The following GABRA3 variants were observed in gnomAD, a reference collection of about 807,000 sequenced individuals.
The protein encoded by GABRA3 is gamma-aminobutyric acid type A receptor subunit alpha3, also known as gamma-aminobutyric acid receptor subunit alpha-3.
Under a neutral mutation model 30.1 loss-of-function variants are expected in GABRA3, and 10 were observed. That is an observed-to-expected ratio of 0.33 (90% CI 0.20 to 0.56). The LOEUF is 0.56. Ranked by LOEUF, GABRA3 falls within the 20% of genes least tolerant of loss-of-function variation. The pLI, the probability that GABRA3 is intolerant of heterozygous loss-of-function variation, is 0.89. For synonymous variants in GABRA3, 151 were observed against 146.8 expected (o/e 1.03, Z -0.21); for missense variants, 233 against 392.0 (o/e 0.59, Z 3.42).
At chrX:152,242,177 G>A (rs1482964068) in intron 5 of GABRA3, among the ~76,000 whole-genome samples, 1 of 111,505 alleles carries the variant, frequency 9.0e-6, no homozygotes, top group East Asian at 2.8e-4. Flanking sequence ...ACACTATGGG[G>A]GAAAGAACAG....
At chrX:152,230,022 C>T (rs1938037668) in intron 5 of GABRA3, among the ~76,000 whole-genome samples, 1 of 111,205 alleles carries the variant, frequency 9.0e-6, no homozygotes, top group African/African-American at 3.3e-5. Flanking sequence ...CCCCTAAGAT[C>T]AAGCAAGGAT....
chrX:152,375,128 C>T (rs1240190186), intron 1 of GABRA3, among the ~76,000 whole-genome samples: 2 of 111,701 alleles, frequency 1.8e-5, no homozygotes, highest in African/African-American at 3.3e-5. Flanking sequence ...TCAGAAAAAA[C>T]TACTTTAAAA....
intron 1 of GABRA3, among the ~76,000 whole-genome samples, chrX:152,384,269 G>A (rs1395481120): frequency 9.0e-6 from 1 of 111,475 alleles, no homozygotes; most frequent in Non-Finnish European, 1.9e-5. Flanking sequence ...TAAATTGAAA[G>A]AATTAATGTT....
At chrX:152,275,468 T>TATATATTTACATATTTATTTTATATATA (rs1406086247) in intron 4 of GABRA3, among the ~76,000 whole-genome samples, 1 of 106,475 alleles carries the variant, frequency 9.4e-6, no homozygotes, top group African/African-American at 3.4e-5. Flanking sequence ...AAATATCAAA[T>TATATATTTACATATTTATTTTATATATA]AAATAGAGCT....
rs1255029318 is a variant in GABRA3 at position 152,447,357 on chromosome X, A to T, written c.-27+3789T>A. ...GCAATCCCTTCAAAATAAAATTGAGATACCAAGTAACCCTCTGAAGTAGTC... is the reference window on the plus strand; with the variant it reads ...GCAATCCCTTCAAAATAAAATTGAGTTACCAAGTAACCCTCTGAAGTAGTC... On this transcript the variant is annotated intron_variant, in intron 1 of 9. Coordinates refer to ENST00000370314, the MANE Select transcript of GABRA3 (RefSeq NM_000808.4). Among the ~76,000 whole-genome samples the T allele has an allele frequency of 3.6e-5, 4 of 111,636 alleles. No individual in the cohort carries two copies. The East Asian group carries it at 1.1e-3, about 31-fold the overall frequency.
At chrX:152,261,151 C>G (rs1165866896) in intron 4 of GABRA3, among the ~76,000 whole-genome samples, 1 of 110,768 alleles carries the variant, frequency 9.0e-6, no homozygotes, top group Non-Finnish European at 1.9e-5. Context: ...TAAGGGTAAT[C>G]ACCCCCATAA....
chrX:152,440,200 G>A (rs1305194833), intron 1 of GABRA3, among the ~76,000 whole-genome samples: 1 of 112,302 alleles, frequency 8.9e-6, no homozygotes, highest in Non-Finnish European at 1.9e-5. Context: ...CCATCAAAAA[G>A]TGGGCAAAGG....
At chrX:152,315,009 T>C (rs777018869) in intron 3 of GABRA3, among the ~76,000 whole-genome samples, 2 of 111,022 alleles carry the variant, frequency 1.8e-5, no homozygotes, top group Non-Finnish European at 3.8e-5. Flanking sequence ...CAGGACCAAA[T>C]TGCAGTTCCC....
chrX:152,358,805 T>A (rs927257697), intron 2 of GABRA3, among the ~76,000 whole-genome samples: 8 of 111,879 alleles, frequency 7.2e-5, no homozygotes, highest in Non-Finnish European at 1.5e-4. Context: ...CTTTTATGCA[T>A]CTACTGAGAC....
chrX:152,303,977 T>C (rs978356869), intron 3 of GABRA3, among the ~76,000 whole-genome samples: 1 of 111,772 alleles, frequency 8.9e-6, no homozygotes, highest in Non-Finnish European at 1.9e-5. Context: ...TAAAGTAAAA[T>C]ATATATTAAA....
intron 1 of GABRA3, among the ~76,000 whole-genome samples, chrX:152,441,289 A>G (rs542405887): frequency 8.8e-4 from 98 of 111,448 alleles, no homozygotes; most frequent in East Asian, 3.4e-3. Flanking sequence ...ACTAAATCTA[A>G]TATGTAAGAG....
intron 7 of GABRA3, among the ~76,000 whole-genome samples, chrX:152,204,929 T>C (rs749881683): frequency 5.4e-5 from 6 of 111,758 alleles, no homozygotes; most frequent in African/African-American, 1.9e-4. Flanking sequence ...TTTCTCACAA[T>C]CTTTGCTGTT....
At chrX:152,374,499 C>T (rs369267411) in intron 1 of GABRA3, among the ~76,000 whole-genome samples, 20 of 108,836 alleles carry the variant, frequency 1.8e-4, no homozygotes, top group African/African-American at 3.0e-4. Flanking sequence ...TACAGGCACG[C>T]GCCACCACAC....
intron 8 of GABRA3, among the ~76,000 whole-genome samples, chrX:152,193,708 A>G (rs750822015): frequency 8.9e-6 from 1 of 112,781 alleles, no homozygotes; most frequent in South Asian, 3.6e-4. Context: ...ATATAATATA[A>G]TAACTTTAGG....
At position 152,323,215 on chromosome X, in the gene GABRA3, T is replaced by A. The variant is rs1347145899; in HGVS notation, c.262+22366A>T. 4.5e-5 allele frequency among the ~76,000 whole-genome samples: 5 copies of A among 111,684 alleles called. No individual in the cohort carries two copies. In the Admixed American group the frequency reaches 4.8e-4, roughly 11 times the overall value. On this transcript the variant is annotated intron_variant, in intron 3 of 9. Coordinates refer to ENST00000370314, the MANE Select transcript of GABRA3 (RefSeq NM_000808.4). ...GTCTCCATCAACCACTACCGAATTCTTTGGAGTGGGATATCATTCAGTGTT... is the reference window on the plus strand; with the variant it reads ...GTCTCCATCAACCACTACCGAATTCATTGGAGTGGGATATCATTCAGTGTT...
chrX:152,420,071 T>A (rs1038123455), intron 1 of GABRA3, among the ~76,000 whole-genome samples: 4 of 111,997 alleles, frequency 3.6e-5, no homozygotes, highest in Non-Finnish European at 5.6e-5. Flanking sequence ...TAAAATTCAA[T>A]ACCCATTAAT....
intron 3 of GABRA3, among the ~76,000 whole-genome samples, chrX:152,292,946 G>T (rs1170474951): frequency 4.5e-5 from 5 of 111,406 alleles, no homozygotes; most frequent in Non-Finnish European, 5.6e-5. Flanking sequence ...TCTTTTACAT[G>T]TGCTGAGGAG....
intron 7 of GABRA3, among the ~76,000 whole-genome samples, chrX:152,201,973 A>G (rs1937489902): frequency 8.9e-6 from 1 of 112,495 alleles, no homozygotes; most frequent in African/African-American, 3.2e-5. Context: ...GGAAAGATGG[A>G]TATATAAGGA....
At chrX:152,223,972 T>C (rs957171362) in intron 6 of GABRA3, among the ~76,000 whole-genome samples, 1 of 111,761 alleles carries the variant, frequency 8.9e-6, no homozygotes, top group African/African-American at 3.2e-5. Context: ...GCTCCTAGAA[T>C]AGAACCTGGC....
Sources: allele counts gnomAD v4.1 joint callset (sites outside exome capture counted in the v4.1 genomes callset), GRCh38; gene constraint gnomAD v4.1.1; transcripts MANE v1.5; gene names NCBI Gene and HGNC (gene_info 2026-07-23, HGNC 2026-07-21).